GOLGB1: variants seen among roughly 807,000 people sequenced by gnomAD.
GOLGB1 encodes golgin B1.
Under a neutral mutation model 336.9 loss-of-function variants are expected in GOLGB1, and 174 were observed. The ratio of observed to expected loss-of-function variants is 0.52; its 90% CI spans 0.46 to 0.59. GOLGB1 has a LOEUF of 0.59. Among genes scored for constraint, GOLGB1 ranks in the 20% least tolerant of loss-of-function variants. GOLGB1 has a pLI of 0.00. For missense variants in GOLGB1, 3,331 were observed against 3,645.3 expected, an observed-to-expected ratio of 0.91 and a Z score of 2.22; for synonymous variants, 1,208 against 1,289.2, an observed-to-expected ratio of 0.94 and a Z score of 1.35.
intron 10 of GOLGB1, among the ~76,000 whole-genome samples, chr3:121,710,512 A>G (rs2108034641): frequency 6.6e-6 from 1 of 152,314 alleles, no homozygotes; most frequent in African/African-American, 2.4e-5. Context: ...TTTGAACTAC[A>G]TGAGTTCACT....
In GOLGB1 at chr3:121,669,315, T is replaced by C; in HGVS notation, c.9218A>G (p.Gln3073Arg). The change falls in exon 18 of 22, where the codon CAG becomes CGG. Residue 3073 changes from glutamine to arginine, a missense_variant. Transcript: ENST00000614479. ...AAGACTCTGACTGGTATCGCAGAGC[T>C]GAATGGAAAGGGTGTTTTTCTCTTC... The part of the protein sequence containing the change: ...LLEEKNTLSI[Q>R]LCDTSQSLRE... The C allele has an allele frequency of 6.2e-7, 1 of 1,613,940 alleles. No homozygotes were observed. Among genetic ancestry groups the C allele is most frequent in the Non-Finnish European group, 8.5e-7 (1 of 1,179,796 alleles).
At chr3:121,741,037 G>GA (rs1010033119) in intron 1 of GOLGB1, among the ~76,000 whole-genome samples, 24 of 144,218 alleles carry the variant, frequency 1.7e-4, no homozygotes, top group South Asian at 4.4e-4. Flanking sequence ...GTTTTTGCCA[G>GA]AAAAAAAAAA....
At chr3:121,679,382 G>A (rs963918290) in intron 15 of GOLGB1, among the ~76,000 whole-genome samples, 1 of 152,162 alleles carries the variant, frequency 6.6e-6, no homozygotes, top group African/African-American at 2.4e-5. Context: ...AAAGATGGTG[G>A]CAAACCAGCT....
intron 1 of GOLGB1, among the ~76,000 whole-genome samples, chr3:121,744,758 T>C (rs1229453905): frequency 2.0e-5 from 3 of 152,070 alleles, no homozygotes; most frequent in Non-Finnish European, 2.9e-5. Context: ...TTAAATGAGA[T>C]AAAAATCTGA....
intron 1 of GOLGB1, among the ~76,000 whole-genome samples, chr3:121,734,576 T>C (rs569941597): frequency 7.2e-5 from 11 of 152,122 alleles, no homozygotes; most frequent in African/African-American, 1.4e-4. Flanking sequence ...CCAAAGAAGA[T>C]AGATGGATGG....
In GOLGB1 at chr3:121,692,168, G is replaced by T. The variant is rs370532886; in HGVS notation, c.7196C>A (p.Ala2399Glu). ...CAGTTCAGCAATAGCTACTTGGATT[G>T]CCTCTTCCTTGCCAGAAAGCAGGCT... ...IISLLSGKEE[A>E]IQVAIAELRQ... is the part of the protein sequence containing the mutation. Residue 2399 changes from alanine to glutamate, a missense_variant, in exon 14 of 22, where the codon GCA becomes GAA. By Grantham distance (107) the Ala-to-Glu change is moderately radical. Transcript: ENST00000614479. 1 of 1,605,372 alleles carries T rather than the reference G, an allele frequency of 6.2e-7. No individual in the cohort carries two copies. The highest frequency in any genetic ancestry group is 8.5e-7 in the Non-Finnish European group (1 of 1,177,794).
chr3:121,722,775 A>C (rs1945289311), intron 5 of GOLGB1, among the ~76,000 whole-genome samples: 1 of 152,236 alleles, frequency 6.6e-6, no homozygotes, highest in Non-Finnish European at 1.5e-5. Flanking sequence ...AGGCAGCAAA[A>C]GAGTGAAATC....
chr3:121,694,833 G>A lies in GOLGB1; in HGVS notation c.5690C>T (p.Thr1897Ile). Reference sequence around the variant, plus strand: ...TTGCTGATTTAACAGGTTCATTTTGGTTACTTCCTCCTGAAGCATTTTTAG... The same window carrying A: ...TTGCTGATTTAACAGGTTCATTTTGATTACTTCCTCCTGAAGCATTTTTAG... ...GELKMLQEEVTKMNLLNQQIQ... is the reference protein window; with the variant it reads ...GELKMLQEEVIKMNLLNQQIQ... The change falls in exon 13 of 22, where the codon ACC becomes ATC. Residue 1897 changes from threonine (T) to isoleucine (I), a missense_variant. Physicochemically the swap from Thr to Ile is moderately conservative, Grantham distance 89. Transcript: ENST00000614479. 1.2e-6 allele frequency: 2 copies of A among 1,613,688 alleles called. No individual in the cohort carries two copies. Among genetic ancestry groups the A allele is most frequent in the Non-Finnish European group, 1.7e-6 (2 of 1,179,920 alleles).
chr3:121,702,685 A>C (rs1379221729), intron 10 of GOLGB1, 90 bp from the exon 11 acceptor site: 1 of 486,682 alleles, frequency 2.1e-6, no homozygotes, highest in African/African-American at 2.0e-5. Context: ...TTTGTCTTCT[A>C]GAAGTTCTCC....
At chr3:121,716,515 T>C (rs958330348) in intron 9 of GOLGB1, among the ~76,000 whole-genome samples, 1 of 152,208 alleles carries the variant, frequency 6.6e-6, no homozygotes, top group African/African-American at 2.4e-5. Context: ...AACATCACTA[T>C]CACATTTTTA....
Position 121,667,579 on chromosome 3 carries a change from T to C in GOLGB1, c.9451A>G (p.Thr3151Ala), listed in dbSNP as rs1297912701. ...CTTAATTCATTCACTTCCTGTCTGG[T>C]GTTGCATAGCTGCTGCTGAGCTTCA... ...FSEAQQQLCN[T>A]RQEVNELRKL... Residue 3151 changes from threonine to alanine, a missense_variant, in exon 20 of 22, where the codon ACC becomes GCC. Thr to Ala is a moderately conservative substitution (Grantham distance 58). Coordinates refer to ENST00000614479, the MANE Select transcript of GOLGB1 (RefSeq NM_001366282.2). The C allele has an allele frequency of 6.2e-7, 1 of 1,614,000 alleles. No homozygotes were observed. Among genetic ancestry groups the C allele is most frequent in the East Asian group, 2.2e-5 (1 of 44,882 alleles).
intron 18 of GOLGB1, 71 bp downstream of exon 18, chr3:121,669,141 T>C: frequency 6.9e-7 from 1 of 1,456,764 alleles, no homozygotes; most frequent in South Asian, 1.2e-5. Flanking sequence ...TCCATACTGC[T>C]CTGTAGTGCT....
intron 5 of GOLGB1, among the ~76,000 whole-genome samples, chr3:121,726,112 C>A (rs2108238415): frequency 6.6e-6 from 1 of 151,220 alleles, no homozygotes; most frequent in African/African-American, 2.4e-5. Context: ...AAATTGCAAT[C>A]TATTTCAAAA....
chr3:121,716,001 A>T (rs567179490), intron 9 of GOLGB1, among the ~76,000 whole-genome samples: 1 of 152,038 alleles, frequency 6.6e-6, no homozygotes, highest in Non-Finnish European at 1.5e-5. Flanking sequence ...ACAAAAAAAA[A>T]AAAACAAAAA....
rs1179456759 is a variant in GOLGB1, at chr3:121,748,915, G to C, written c.-3+717C>G. 5 of 984,662 alleles carry C rather than the reference G, an allele frequency of 5.1e-6. No homozygotes were observed. The South Asian group carries it at 1.9e-4, about 37-fold the overall frequency. The allele number at this position is 984,662 out of a possible 1,614,324, so 61.0% of individuals were successfully genotyped here. ...GACTCACCCTCCCTTTCACATTCCG[G>C]TTGTGCAGATTAAACATACTCCACA... is the stretch of plus-strand genomic sequence containing the variant. On this transcript the variant is annotated intron_variant, in intron 1 of 21. Coordinates refer to ENST00000614479, the MANE Select transcript of GOLGB1 (RefSeq NM_001366282.2).
rs529274610 is a variant in GOLGB1, at chr3:121,679,462, C to T, written c.8874-2012G>A. ...GTTTACCATTTGTATTCTGCATATC[C>T]CAAACCGGATACTGGAGAATTCCAT... On this transcript the variant is annotated intron_variant, in intron 15 of 21. Coordinates refer to ENST00000614479, the MANE Select transcript of GOLGB1 (RefSeq NM_001366282.2). Among the ~76,000 whole-genome samples, 5 of 152,198 alleles carry T rather than the reference C, an allele frequency of 3.3e-5. No homozygotes were observed. The South Asian group carries it at 8.3e-4, about 25-fold the overall frequency.
chr3:121,665,125 C>T, intron 20 of GOLGB1, 94 bp from the exon 21 acceptor site: 5 of 718,482 alleles, frequency 7.0e-6, no homozygotes, highest in Non-Finnish European at 1.2e-5. Flanking sequence ...CACAATGCAG[C>T]ACAGGAGGAG....
At position 121,718,352 on chromosome 3, in the gene GOLGB1, C is replaced by A. The variant is rs377401127; in HGVS notation, c.885+36G>T. 6.0e-5 allele frequency: 79 copies of A among 1,320,656 alleles called. No individual in the cohort carries two copies. In the African/African-American group the frequency reaches 9.6e-4, roughly 16 times the overall value. The allele number at this position is 1,320,656 out of a possible 1,614,324, so 81.8% of individuals were successfully genotyped here. On this transcript the variant is annotated intron_variant, in intron 8 of 21. Transcript: ENST00000614479. ...GGCAAACGAAAGTGGAAATGAATAC[C>A]CTCCAAGGCAGGAAGTAAAGATTAA...
Position 121,694,795 on chromosome 3 carries a change from G to A in GOLGB1, c.5728C>T (p.Leu1910Phe). The change falls in exon 13 of 22, where the codon CTC becomes TTC. Residue 1910 changes from leucine to phenylalanine, a missense_variant. Physicochemically the swap from Leu to Phe is conservative, Grantham distance 22. Transcript: ENST00000614479. ...NLLNQQIQEE[L>F]SRVTKLKETA... ...TCCTTTAGTTTGGTAACTCTGGAGA[G>A]TTCTTCTTGGATTTGCTGATTTAAC... 6.2e-7 allele frequency: 1 copy of A among 1,613,244 alleles called. No individual in the cohort carries two copies. The highest frequency in any genetic ancestry group is 8.5e-7 in the Non-Finnish European group (1 of 1,179,736).
Sources: allele counts gnomAD v4.1 joint callset (sites outside exome capture counted in the v4.1 genomes callset), GRCh38; gene constraint gnomAD v4.1.1; transcripts MANE v1.5; gene names NCBI Gene and HGNC (gene_info 2026-07-23, HGNC 2026-07-21).